GPC6: variants seen among roughly 807,000 people sequenced by gnomAD.
GPC6 encodes glypican-6.
Under a neutral mutation model 55.2 loss-of-function variants are expected in GPC6, and 14 were observed. That is an observed-to-expected ratio of 0.25 (90% CI 0.17 to 0.40). The LOEUF (loss-of-function observed/expected upper bound fraction) is 0.40. Among genes scored for constraint, GPC6 ranks in the 10% least tolerant of loss-of-function variants. The pLI is 1.00. For synonymous variants in GPC6, 278 were observed against 259.6 expected (o/e 1.07, Z -0.68); for missense variants, 641 against 708.5 (o/e 0.90, Z 1.08).
Position 94,365,861 on chromosome 13 carries a change from C to A in GPC6, c.1153-16553C>A, listed in dbSNP as rs554434305. On this transcript the variant is annotated intron_variant, in intron 6 of 8. Coordinates refer to ENST00000377047, the MANE Select transcript of GPC6 (RefSeq NM_005708.5). ...TGTCTGTAGGCTTCAGAGAAACAGA[C>A]CAGAATACACATCTATTTCTCAGCT... 2.6e-5 allele frequency among the ~76,000 whole-genome samples: 4 copies of A among 152,234 alleles called. No homozygotes were observed. The South Asian group carries it at 8.3e-4, about 32-fold the overall frequency.
intron 2 of GPC6, among the ~76,000 whole-genome samples, chr13:93,748,026 T>A (rs1476179853): frequency 1.3e-5 from 2 of 152,220 alleles, no homozygotes; most frequent in Non-Finnish European, 2.9e-5. Context: ...TAAAGTACAG[T>A]ATTTGCTCGA....
chr13:93,475,580 G>A (rs549215493), intron 1 of GPC6, among the ~76,000 whole-genome samples: 2 of 152,290 alleles, frequency 1.3e-5, no homozygotes, highest in South Asian at 4.1e-4. Context: ...TGCAAAGAGA[G>A]GCAACGATCT....
At chr13:93,947,703 G>A (rs79144299) in intron 3 of GPC6, among the ~76,000 whole-genome samples, 2,490 of 151,714 alleles carry the variant, frequency 0.016, 84 homozygotes, top group African/African-American at 0.057. Flanking sequence ...TTGATTCCCC[G>A]TACAAAAGTG....
chr13:93,293,726 A>C (rs2139083686), intron 1 of GPC6, among the ~76,000 whole-genome samples: 1 of 152,260 alleles, frequency 6.6e-6, no homozygotes, highest in East Asian at 1.9e-4. Context: ...TTTTTAAATC[A>C]TTTCATTCTA....
At chr13:93,794,390 G>C (rs1886137545) in intron 2 of GPC6, among the ~76,000 whole-genome samples, 2 of 152,126 alleles carry the variant, frequency 1.3e-5, no homozygotes, top group Non-Finnish European at 2.9e-5. Flanking sequence ...CCAGCAATCT[G>C]GTTTCACACA....
At chr13:93,300,237 A>G (rs1878627773) in intron 1 of GPC6, among the ~76,000 whole-genome samples, 1 of 152,228 alleles carries the variant, frequency 6.6e-6, no homozygotes, top group Admixed American at 6.5e-5. Flanking sequence ...TCAGGTGTTT[A>G]TATTTTAGCA....
chr13:93,612,237 C>G (rs907139964), intron 2 of GPC6, among the ~76,000 whole-genome samples: 1 of 152,124 alleles, frequency 6.6e-6, no homozygotes, highest in African/African-American at 2.4e-5. Flanking sequence ...CGGTGGCTCA[C>G]GCCTGTAATC....
At chr13:93,363,600 T>C (rs1010506584) in intron 1 of GPC6, among the ~76,000 whole-genome samples, 21 of 151,970 alleles carry the variant, frequency 1.4e-4, no homozygotes, top group African/African-American at 5.1e-4. Context: ...AACATACGTG[T>C]GCATGTGTCT....
chr13:94,005,363 G>A (rs1303814283), intron 3 of GPC6, among the ~76,000 whole-genome samples: 1 of 152,152 alleles, frequency 6.6e-6, no homozygotes, highest in Non-Finnish European at 1.5e-5. Flanking sequence ...GTTCTGCAAT[G>A]ATCTGCATAA....
At chr13:93,687,342 T>G (rs2138774955) in intron 2 of GPC6, among the ~76,000 whole-genome samples, 1 of 152,222 alleles carries the variant, frequency 6.6e-6, no homozygotes, top group East Asian at 1.9e-4. Flanking sequence ...TAATTGCAGT[T>G]GTTGCCTTTA....
intron 6 of GPC6, among the ~76,000 whole-genome samples, chr13:94,357,389 G>A (rs1025901525): frequency 6.6e-6 from 1 of 152,112 alleles, no homozygotes; most frequent in Non-Finnish European, 1.5e-5. Context: ...CTTCTCCCTA[G>A]AGCCCCTACT....
At chr13:93,778,187 C>G (rs1885527119) in intron 2 of GPC6, among the ~76,000 whole-genome samples, 2 of 152,124 alleles carry the variant, frequency 1.3e-5, no homozygotes, top group Non-Finnish European at 2.9e-5. Flanking sequence ...TAGAGGGGCA[C>G]CAAGAGCTTT....
intron 2 of GPC6, among the ~76,000 whole-genome samples, chr13:93,613,530 A>AAC (rs10573990): frequency 0.025 from 3,451 of 139,948 alleles, 49 homozygotes; most frequent in African/African-American, 0.056. Flanking sequence ...ACACACACAA[A>AAC]ACACACACAC....
chr13:94,217,350 G>T (rs1454864702), intron 4 of GPC6, among the ~76,000 whole-genome samples: 2 of 152,102 alleles, frequency 1.3e-5, no homozygotes, highest in African/African-American at 4.8e-5. Flanking sequence ...TTAAATCAAT[G>T]ACCTCAGGCA....
At chr13:94,113,469 T>C (rs1409382958) in intron 4 of GPC6, among the ~76,000 whole-genome samples, 1 of 152,130 alleles carries the variant, frequency 6.6e-6, no homozygotes, top group African/African-American at 2.4e-5. Context: ...TCTAATGACT[T>C]TGATGAATGT....
At chr13:93,809,345 T>C (rs924060630) in intron 2 of GPC6, among the ~76,000 whole-genome samples, 1 of 152,224 alleles carries the variant, frequency 6.6e-6, no homozygotes, top group Non-Finnish European at 1.5e-5. Context: ...ATTTTCTTCA[T>C]TTCAGTTAAG....
intron 4 of GPC6, among the ~76,000 whole-genome samples, chr13:94,278,864 C>T (rs769339513): frequency 6.6e-6 from 1 of 152,060 alleles, no homozygotes; most frequent in Non-Finnish European, 1.5e-5. Context: ...ATTTTCACAT[C>T]GATGTTCATC....
At chr13:93,219,890 T>G in the GPC6 span, among the ~76,000 whole-genome samples, 1 of 152,110 alleles carries the variant, frequency 6.6e-6, no homozygotes, top group Non-Finnish European at 1.5e-5. Context: ...TATGTTAGTT[T>G]ATATTAAAAT....
chr13:94,038,713 C>T (rs1024626480), intron 4 of GPC6, among the ~76,000 whole-genome samples: 9 of 151,878 alleles, frequency 5.9e-5, no homozygotes, highest in Non-Finnish European at 8.8e-5. Context: ...TCACAGAGCA[C>T]TGAGGGCAGA....
Sources: gnomAD v4.1 joint callset for allele counts (sites outside exome capture counted in the v4.1 genomes callset) on GRCh38, gnomAD v4.1.1 for gene constraint, MANE v1.5 for transcripts, NCBI Gene and HGNC (gene_info 2026-07-23, HGNC 2026-07-21) for gene names.